The following GRM7 variants were observed in gnomAD, a reference collection of about 807,000 sequenced individuals.
GRM7 encodes the protein glutamate metabotropic receptor 7.
A neutral mutation model predicts 84.5 loss-of-function variants in GRM7; 35 were observed. That is an observed-to-expected ratio of 0.41 (90% CI 0.32 to 0.55). The LOEUF is 0.55. Ranked by LOEUF, GRM7 falls within the 20% of genes least tolerant of loss-of-function variation. The pLI is 0.19. For missense variants in GRM7, 1,003 were observed against 1,194.6 expected, an observed-to-expected ratio of 0.84 and a Z score of 2.36; for synonymous variants, 487 against 455.1, an observed-to-expected ratio of 1.07 and a Z score of -0.89.
chr3:7,603,313 G>T (rs576635018), intron 8 of GRM7, among the ~76,000 whole-genome samples: 19 of 152,226 alleles, frequency 1.2e-4, no homozygotes, highest in Non-Finnish European at 2.5e-4. Context: ...GCTGTCTTTT[G>T]TAACCTAAGG....
At chr3:7,566,110 T>G (rs61662469) in intron 7 of GRM7, among the ~76,000 whole-genome samples, 514 of 27,402 alleles carry the variant, frequency 0.019, 8 homozygotes, top group African/African-American at 0.042. Context: ...GCTGTTTTTT[T>G]TTTTTTTTTT....
At chr3:7,123,447 C>T (rs1010070852) in intron 1 of GRM7, among the ~76,000 whole-genome samples, 8 of 152,018 alleles carry the variant, frequency 5.3e-5, no homozygotes, top group African/African-American at 1.7e-4. Context: ...GGTGAAACCC[C>T]GTCTCTACTA....
chr3:7,047,541 T>C (rs950077564), intron 1 of GRM7, among the ~76,000 whole-genome samples: 1 of 152,076 alleles, frequency 6.6e-6, no homozygotes, highest in Admixed American at 6.6e-5. Context: ...AAAGTCAAAA[T>C]AAACTTCCAG....
At chr3:7,161,789 TG>T (rs1694632320) in intron 2 of GRM7, among the ~76,000 whole-genome samples, 2 of 152,192 alleles carry the variant, frequency 1.3e-5, no homozygotes, top group Admixed American at 6.5e-5. Flanking sequence ...ACCTTGCCTG[TG>T]AATTTAGGTG....
At chr3:7,508,923 T>C (rs976162374) in intron 7 of GRM7, among the ~76,000 whole-genome samples, 3 of 152,210 alleles carry the variant, frequency 2.0e-5, no homozygotes, top group African/African-American at 7.2e-5. Context: ...AGTTTGGAAC[T>C]CTCTGCTCCA....
intron 2 of GRM7, among the ~76,000 whole-genome samples, chr3:7,236,187 T>C (rs1470654755): frequency 6.6e-6 from 1 of 152,088 alleles, no homozygotes. Flanking sequence ...AAAAACCCCA[T>C]CTATTAATAC....
intron 2 of GRM7, among the ~76,000 whole-genome samples, chr3:7,149,587 GT>G (rs1694215042): frequency 2.0e-5 from 3 of 152,136 alleles, no homozygotes; most frequent in Admixed American, 6.5e-5. Flanking sequence ...AACCCAATGT[GT>G]ATGGGTAGGT....
intron 1 of GRM7, among the ~76,000 whole-genome samples, chr3:7,039,009 G>A (rs544461008): frequency 2.6e-5 from 4 of 152,124 alleles, no homozygotes; most frequent in Non-Finnish European, 4.4e-5. Flanking sequence ...TTTGAAACTC[G>A]GGGAGTGGAA....
intron 4 of GRM7, among the ~76,000 whole-genome samples, chr3:7,403,835 A>G (rs113327544): frequency 4.9e-4 from 74 of 150,802 alleles, no homozygotes; most frequent in African/African-American, 1.5e-3. Context: ...ATGGATGGAT[A>G]GATAGATAGA....
chr3:7,117,743 G>A (rs1208632922), intron 1 of GRM7, among the ~76,000 whole-genome samples: 1 of 152,186 alleles, frequency 6.6e-6, no homozygotes, highest in Non-Finnish European at 1.5e-5. Context: ...CAAATCCTTA[G>A]TCAATCGAGG....
At chr3:7,354,105 A>C (rs950169993) in intron 4 of GRM7, among the ~76,000 whole-genome samples, 1 of 152,122 alleles carries the variant, frequency 6.6e-6, no homozygotes, top group Non-Finnish European at 1.5e-5. Context: ...TTCCCTTGAG[A>C]AAAGTCCTTT....
At chr3:7,443,910 C>T (rs886691330) in intron 5 of GRM7, among the ~76,000 whole-genome samples, 1 of 152,108 alleles carries the variant, frequency 6.6e-6, no homozygotes, top group Admixed American at 6.6e-5. Context: ...TGTTTTTTTA[C>T]ATGCCTACAT....
intron 1 of GRM7, among the ~76,000 whole-genome samples, chr3:7,028,397 G>C (rs978887480): frequency 3.9e-5 from 6 of 152,122 alleles, no homozygotes; most frequent in African/African-American, 1.4e-4. Flanking sequence ...TTATTGGATG[G>C]TTCAAGAGTG....
At chr3:7,481,077 G>T (rs1048124605) in intron 7 of GRM7, among the ~76,000 whole-genome samples, 17 of 146,090 alleles carry the variant, frequency 1.2e-4, no homozygotes, top group South Asian at 2.2e-4. Flanking sequence ...GTCTTTATTG[G>T]TTTTTTTTTT....
rs148201730 is a variant in GRM7 at position 7,416,485 on chromosome 3, T to A, written c.1174+1322T>A. ...TACCGGTCACCCACATGTTGTAGAT[T>A]AATCCACTCAACCATCATCTGTTAA... On this transcript the variant is annotated intron_variant, in intron 5 of 9. Transcript: ENST00000357716. Among the ~76,000 whole-genome samples the A allele has an allele frequency of 4.0e-3, 616 of 152,250 alleles. 19 individuals carry two copies. The highest frequency in any genetic ancestry group is 0.03 in the Admixed American group (452 of 15,278).
At chr3:7,519,355 C>T (rs1700507389) in intron 7 of GRM7, among the ~76,000 whole-genome samples, 1 of 147,498 alleles carries the variant, frequency 6.8e-6, no homozygotes, top group African/African-American at 2.5e-5. Flanking sequence ...AAGAGAGACC[C>T]TGTCTAAAAA....
chr3:7,513,993 A>G (rs1054889704), intron 7 of GRM7, among the ~76,000 whole-genome samples: 9 of 152,200 alleles, frequency 5.9e-5, no homozygotes, highest in African/African-American at 2.2e-4. Context: ...CCATCACTTC[A>G]CTACTAACTG....
chr3:7,230,635 G>A (rs1283455774), intron 2 of GRM7, among the ~76,000 whole-genome samples: 1 of 152,206 alleles, frequency 6.6e-6, no homozygotes, highest in East Asian at 1.9e-4. Flanking sequence ...ATTAGAAGGT[G>A]GGTATGGGTC....
intron 7 of GRM7, among the ~76,000 whole-genome samples, chr3:7,524,513 A>G (rs1700717891): frequency 1.1e-5 from 1 of 88,944 alleles, no homozygotes; most frequent in South Asian, 4.1e-4. Context: ...CACATGAAAA[A>G]ATGCTCACCA....
Sources: allele counts gnomAD v4.1 joint callset (sites outside exome capture counted in the v4.1 genomes callset), GRCh38; gene constraint gnomAD v4.1.1; transcripts MANE v1.5; gene names NCBI Gene and HGNC (gene_info 2026-07-23, HGNC 2026-07-21).